Variants in IBSP observed in about 807,000 individuals in gnomAD.
The protein encoded by IBSP is integrin-binding sialoprotein.
A neutral mutation model predicts 25.5 loss-of-function variants in IBSP; 19 were observed. The ratio of observed to expected loss-of-function variants is 0.74; its 90% CI spans 0.52 to 1.09. The LOEUF is 1.09. IBSP is among the 50% of genes least tolerant of loss of function. The pLI is 0.00. For missense variants in IBSP, 360 were observed against 382.3 expected (o/e 0.94, Z 0.49); for synonymous variants, 144 against 137.6 (o/e 1.05, Z -0.33).
At chr4:87,802,804 A>G in intron 4 of IBSP, 73 bp downstream of exon 4, 1 of 953,124 alleles carries the variant, frequency 1.0e-6, no homozygotes, top group East Asian at 2.9e-5. Flanking sequence ...TTTAACTATA[A>G]AACACCTAAA....
intron 5 of IBSP, among the ~76,000 whole-genome samples, chr4:87,809,426 C>T (rs1265915272): frequency 6.6e-6 from 1 of 152,156 alleles, no homozygotes; most frequent in African/African-American, 2.4e-5. Flanking sequence ...GTATATTCTT[C>T]TACTCTGGGG....
chr4:87,806,574 G>C (rs1722092242), intron 5 of IBSP, among the ~76,000 whole-genome samples: 1 of 152,192 alleles, frequency 6.6e-6, no homozygotes, highest in South Asian at 2.1e-4. Flanking sequence ...TAAACTCAGT[G>C]CAAGACTTGT....
At chr4:87,809,525 A>AG (rs11435257) in intron 5 of IBSP, among the ~76,000 whole-genome samples, 119,340 of 152,086 alleles carry the variant, frequency 0.78, 47,281 homozygotes, top group African/African-American at 0.89. Flanking sequence ...ATAAACAAAC[A>AG]CATGGTGTTT....
rs1722188453 is a variant in IBSP, at chr4:87,812,110, A to G, written c.*200A>G. On this transcript the variant is annotated 3_prime_UTR_variant, in exon 7 of 7. Transcript: ENST00000226284. ...TTTTCTGGCATGTTATGGAATGATCATTGTAAATCAGGACCATTTATCAAG... is the reference window on the plus strand; with the variant it reads ...TTTTCTGGCATGTTATGGAATGATCGTTGTAAATCAGGACCATTTATCAAG... 2.2e-6 allele frequency: 1 copy of G among 463,212 alleles called. No individual in the cohort carries two copies. The highest frequency in any genetic ancestry group is 3.7e-6 in the Non-Finnish European group (1 of 266,992). 28.7% of individuals were successfully genotyped at this position (463,212 alleles called of 1,614,324 possible).
chr4:87,806,083 C>T, intron 4 of IBSP, 39 bp from the exon 5 acceptor site: 1 of 1,436,506 alleles, frequency 7.0e-7, no homozygotes, highest in Non-Finnish European at 9.7e-7. Flanking sequence ...TATATTTGTA[C>T]ACAGATAAGA....
intron 5 of IBSP, among the ~76,000 whole-genome samples, chr4:87,808,805 G>A (rs1304044562): frequency 1.3e-5 from 2 of 152,134 alleles, no homozygotes; most frequent in Non-Finnish European, 2.9e-5. Context: ...CTCATTGTTA[G>A]TATTTCATTA....
At chr4:87,808,966 G>C (rs989741364) in intron 5 of IBSP, among the ~76,000 whole-genome samples, 1 of 152,118 alleles carries the variant, frequency 6.6e-6, no homozygotes, top group Non-Finnish European at 1.5e-5. Context: ...TCACCTAAAA[G>C]TGAAATTTCG....
chr4:87,806,185 G>T lies in IBSP; in HGVS notation c.246+1G>T, dbSNP rs1197042128. ...TTCAGAAGAGGAGGAGGAAGAAGAGGTAAGGAATTTTGCAATCTTTTCGTA... is the reference window on the plus strand; with the variant it reads ...TTCAGAAGAGGAGGAGGAAGAAGAGTTAAGGAATTTTGCAATCTTTTCGTA... On this transcript the variant is annotated splice_donor_variant, in intron 5 of 6. Coordinates refer to ENST00000226284, the MANE Select transcript of IBSP (RefSeq NM_004967.4). LOFTEE classifies it high-confidence loss of function. 6.2e-6 allele frequency: 10 copies of T among 1,610,036 alleles called. No individual in the cohort carries two copies. Among genetic ancestry groups the T allele is most frequent in the Non-Finnish European group, 8.5e-6 (10 of 1,178,572 alleles).
chr4:87,810,822 G>A (rs1171353236), intron 6 of IBSP, 58 bp downstream of exon 6: 3 of 1,485,964 alleles, frequency 2.0e-6, no homozygotes, highest in South Asian at 1.2e-5. Context: ...TAATGGTAAT[G>A]TTCAATCTTT....
At chr4:87,810,204 C>A (rs1722151219) in intron 5 of IBSP, among the ~76,000 whole-genome samples, 1 of 106,574 alleles carries the variant, frequency 9.4e-6, no homozygotes, top group African/African-American at 4.2e-5. Flanking sequence ...AGCCTGGCAA[C>A]AGAGCATGAC....
At chr4:87,807,530 C>A (rs1340668751) in intron 5 of IBSP, among the ~76,000 whole-genome samples, 1 of 152,314 alleles carries the variant, frequency 6.6e-6, no homozygotes, top group East Asian at 1.9e-4. Flanking sequence ...ACATAGCAAT[C>A]TTACACAAGA....
At chr4:87,803,465 G>T (rs1324682428) in intron 4 of IBSP, among the ~76,000 whole-genome samples, 1 of 152,090 alleles carries the variant, frequency 6.6e-6, no homozygotes, top group African/African-American at 2.4e-5. Context: ...AAACCAGAGG[G>T]TGTGGTGTTG....
chr4:87,809,483 C>T (rs1722138895), intron 5 of IBSP, among the ~76,000 whole-genome samples: 2 of 151,226 alleles, frequency 1.3e-5, no homozygotes, highest in South Asian at 4.2e-4. Flanking sequence ...ACCTCTGAAA[C>T]ATCTGTTGGA....
intron 5 of IBSP, among the ~76,000 whole-genome samples, chr4:87,809,832 C>A (rs943119671): frequency 1.4e-4 from 21 of 151,992 alleles, no homozygotes; most frequent in Non-Finnish European, 2.9e-4. Flanking sequence ...ACACTGAGAT[C>A]AACTCAATTA....
chr4:87,800,361 G>T (rs552001264), intron 1 of IBSP, among the ~76,000 whole-genome samples: 1 of 152,064 alleles, frequency 6.6e-6, no homozygotes, highest in African/African-American at 2.4e-5. Flanking sequence ...TTTTCATCTG[G>T]TTATTTTTAT....
At position 87,807,773 on chromosome 4, in the gene IBSP, C is replaced by T. The variant is rs148909872; in HGVS notation, c.246+1589C>T. On this transcript the variant is annotated intron_variant, in intron 5 of 6. Coordinates refer to ENST00000226284, the MANE Select transcript of IBSP (RefSeq NM_004967.4). ...CTGAACATTTAAGGTCTTCCCAGAA[C>T]GTGTCTGCAGACACCTCATGACCAT... Among the ~76,000 whole-genome samples, 40 of 152,248 alleles carry T rather than the reference C, an allele frequency of 2.6e-4. No homozygotes were observed. The South Asian group carries it at 3.1e-3, about 12-fold the overall frequency.
At chr4:87,802,614 C>T in intron 3 of IBSP, 40 bp from the exon 4 acceptor site, 2 of 1,561,052 alleles carry the variant, frequency 1.3e-6, no homozygotes, top group Non-Finnish European at 1.7e-6. Context: ...ATATTTATTG[C>T]ATATTAAACA....
intron 4 of IBSP, among the ~76,000 whole-genome samples, chr4:87,804,128 G>A (rs1010584830): frequency 6.6e-6 from 1 of 152,122 alleles, no homozygotes; most frequent in Non-Finnish European, 1.5e-5. Context: ...CTCAACTAAT[G>A]TAGAACTTGT....
intron 4 of IBSP, among the ~76,000 whole-genome samples, chr4:87,803,296 G>A (rs192064410): frequency 1.3e-5 from 2 of 152,082 alleles, no homozygotes. Flanking sequence ...TAATCATAAT[G>A]GTAAAACTGC....
Sources: gnomAD v4.1 joint callset for allele counts (sites outside exome capture counted in the v4.1 genomes callset) on GRCh38, gnomAD v4.1.1 for gene constraint, MANE v1.5 for transcripts, NCBI Gene and HGNC (gene_info 2026-07-23, HGNC 2026-07-21) for gene names.